The following LRP1B variants were observed in gnomAD, a reference collection of about 807,000 sequenced individuals.
LRP1B encodes the protein LDL receptor related protein 1B, also known as low-density lipoprotein receptor-related protein 1B.
LRP1B carries 217 observed loss-of-function variants against 556.6 expected under a neutral mutation model. That is an observed-to-expected ratio of 0.39 (90% CI 0.35 to 0.44). LRP1B has a LOEUF of 0.44. Ranked by LOEUF, LRP1B falls within the 20% of genes least tolerant of loss-of-function variation. The pLI, the probability that LRP1B is intolerant of heterozygous loss-of-function variation, is 1.00. For synonymous variants in LRP1B, 2,047 were observed against 1,865.8 expected (o/e 1.10, Z -2.50); for missense variants, 5,053 against 5,620.8 (o/e 0.90, Z 3.23).
chr2:141,444,119 T>G (rs1681090178), intron 3 of LRP1B, among the ~76,000 whole-genome samples: 1 of 152,222 alleles, frequency 6.6e-6, no homozygotes, highest in African/African-American at 2.4e-5. Context: ...AGCAGTGGTT[T>G]GTTTTTTCCT....
chr2:141,251,873 G>A (rs747605442), intron 4 of LRP1B, among the ~76,000 whole-genome samples: 58 of 151,982 alleles, frequency 3.8e-4, no homozygotes, highest in South Asian at 1.0e-3. Flanking sequence ...AATGGTCAAG[G>A]GCACTGTAGC....
rs766019655 is a variant in LRP1B, at chr2:140,884,000, A to G, written c.3986T>C (p.Val1329Ala). 1 of 1,612,600 alleles carries G rather than the reference A, an allele frequency of 6.2e-7. No individual in the cohort carries two copies. The highest frequency in any genetic ancestry group is 1.1e-5 in the South Asian group (1 of 91,012). ...TGGAGTAGCCAGGCCATGCTCCACA[A>G]CCACTTCAATGGCACTGACACCTAC... Reference protein sequence around the residue: ...ESGGVSAIEVVVEHGLATPEG... With the variant: ...ESGGVSAIEVAVEHGLATPEG... Residue 1329 changes from valine to alanine, a missense_variant, in exon 25 of 91, where the codon GTT becomes GCT. Physicochemically the swap from Val to Ala is moderately conservative, Grantham distance 64 (BLOSUM62 0). Around this residue, in one of 5 missense-constraint regions of LRP1B, gnomAD observed 3,619 missense variants for 3,931.9 expected, o/e 0.92. Coordinates refer to ENST00000389484, the MANE Select transcript of LRP1B (RefSeq NM_018557.3).
intron 23 of LRP1B, among the ~76,000 whole-genome samples, chr2:140,892,395 T>C (rs1693823960): frequency 1.3e-5 from 2 of 152,126 alleles, no homozygotes. Flanking sequence ...GTAATCTTAA[T>C]AGGAGAATGA....
chr2:141,994,905 G>A (rs915709557), intron 1 of LRP1B, among the ~76,000 whole-genome samples: 2 of 151,966 alleles, frequency 1.3e-5, no homozygotes, highest in South Asian at 2.1e-4. Context: ...CCTTTTTCAC[G>A]CTCCTACCTG....
intron 3 of LRP1B, among the ~76,000 whole-genome samples, chr2:141,420,271 T>A (rs1680089579): frequency 6.6e-6 from 1 of 152,230 alleles, no homozygotes; most frequent in Admixed American, 6.5e-5. Context: ...TCCTTATCTA[T>A]GAGACGGTGT....
intron 2 of LRP1B, among the ~76,000 whole-genome samples, chr2:141,649,872 C>A (rs373586781): frequency 3.3e-5 from 5 of 152,050 alleles, no homozygotes; most frequent in African/African-American, 9.7e-5. Context: ...ACTAGGTAAC[C>A]AATCTAAGCT....
At chr2:142,047,835 A>G (rs1704313357) in intron 1 of LRP1B, among the ~76,000 whole-genome samples, 1 of 152,018 alleles carries the variant, frequency 6.6e-6, no homozygotes, top group South Asian at 2.1e-4. Context: ...GAAAGGTAGA[A>G]CCAATAGAAG....
intron 77 of LRP1B, among the ~76,000 whole-genome samples, chr2:140,340,602 C>T (rs1050412700): frequency 2.0e-5 from 3 of 151,256 alleles, no homozygotes; most frequent in Non-Finnish European, 4.4e-5. Context: ...AGAAATAATT[C>T]AGGGTTACCT....
intron 18 of LRP1B, among the ~76,000 whole-genome samples, chr2:140,965,198 C>G (rs1372399994): frequency 6.6e-6 from 1 of 152,092 alleles, no homozygotes. Flanking sequence ...AAAGGTACAT[C>G]GAATTCTAAC....
intron 6 of LRP1B, among the ~76,000 whole-genome samples, chr2:141,207,664 T>TTTTTGC (rs1425187176): frequency 7.7e-5 from 10 of 129,184 alleles, no homozygotes; most frequent in African/African-American, 4.0e-4. Flanking sequence ...CATGTTTTTG[T>TTTTTGC]TTTTGTTTTT....
chr2:140,316,769 T>C (rs1558795463), intron 82 of LRP1B, among the ~76,000 whole-genome samples: 1 of 151,448 alleles, frequency 6.6e-6, no homozygotes, highest in Admixed American at 6.6e-5. Flanking sequence ...TGTAACACTT[T>C]GTAAATATTA....
At chr2:140,340,453 G>A (rs2105095092) in intron 77 of LRP1B, among the ~76,000 whole-genome samples, 2 of 151,592 alleles carry the variant, frequency 1.3e-5, no homozygotes, top group African/African-American at 4.8e-5. Context: ...GTTAGTGAGT[G>A]AATAATTTGT....
At chr2:142,128,735 CTATTTCATT>C (rs1349748377) in intron 1 of LRP1B, among the ~76,000 whole-genome samples, 1 of 152,136 alleles carries the variant, frequency 6.6e-6, no homozygotes, top group Non-Finnish European at 1.5e-5. Flanking sequence ...CAACACGACA[CTATTTCATT>C]TTTTAGAAAA....
At chr2:141,959,385 C>T (rs1344022735) in intron 1 of LRP1B, among the ~76,000 whole-genome samples, 2 of 151,894 alleles carry the variant, frequency 1.3e-5, no homozygotes, top group Non-Finnish European at 2.9e-5. Flanking sequence ...AAATAAAGAG[C>T]TTTGCTTCCA....
chr2:140,917,658 A>G (rs1242331800), intron 21 of LRP1B, among the ~76,000 whole-genome samples: 1 of 152,160 alleles, frequency 6.6e-6, no homozygotes, highest in African/African-American at 2.4e-5. Flanking sequence ...GAGACAGTAA[A>G]AAGATCAGTA....
intron 2 of LRP1B, among the ~76,000 whole-genome samples, chr2:141,720,925 T>C (rs1004891386): frequency 6.6e-6 from 1 of 152,172 alleles, no homozygotes; most frequent in African/African-American, 2.4e-5. Flanking sequence ...CTTAATACTT[T>C]AATTATTGCA....
In LRP1B at chr2:140,789,096, A is replaced by G. The variant is rs1157088989; in HGVS notation, c.5360-12858T>C. Reference sequence around the variant, plus strand: ...GGTATTCTGTTATGGGCCCTAGGAGACTAATATACTCCCCCATATCAACTT... The same window carrying G: ...GGTATTCTGTTATGGGCCCTAGGAGGCTAATATACTCCCCCATATCAACTT... On this transcript the variant is annotated intron_variant, in intron 32 of 90. Coordinates refer to ENST00000389484, the MANE Select transcript of LRP1B (RefSeq NM_018557.3). Among the ~76,000 whole-genome samples, 4 of 152,212 alleles carry G rather than the reference A, an allele frequency of 2.6e-5. No individual in the cohort carries two copies. The East Asian group carries it at 7.7e-4, about 29-fold the overall frequency.
chr2:141,145,918 CTTTCTT>C lies in LRP1B; in HGVS notation c.1013+42497_1013+42502del, dbSNP rs759645938. On this transcript the variant is annotated intron_variant, in intron 7 of 90. Coordinates refer to ENST00000389484, the MANE Select transcript of LRP1B (RefSeq NM_018557.3). ...TTTCACGTTTTTCTTTTCTTTCTTTCTTTCTTTTTTTTTTTTTTTTTTTTGAGATGG... is the reference window on the plus strand; with the variant it reads ...TTTCACGTTTTTCTTTTCTTTCTTTCTTTTTTTTTTTTTTTTTTGAGATGG... Among the ~76,000 whole-genome samples the C allele has an allele frequency of 1.2e-4, 13 of 110,192 alleles. No individual in the cohort carries two copies. In the South Asian group the frequency reaches 3.7e-3, roughly 31 times the overall value. 72.3% of individuals were successfully genotyped at this position (110,192 alleles called of 152,430 possible). A position where few individuals can be genotyped will look rare whatever the true frequency, so the allele number is the denominator to read the frequency against.
At chr2:140,409,949 G>A (rs1212600461) in intron 66 of LRP1B, among the ~76,000 whole-genome samples, 1 of 151,962 alleles carries the variant, frequency 6.6e-6, no homozygotes, top group Non-Finnish European at 1.5e-5. Flanking sequence ...GACTAAAATT[G>A]TATACATGTC....
Sources: gnomAD v4.1 joint callset for allele counts (sites outside exome capture counted in the v4.1 genomes callset) on GRCh38, gnomAD v4.1.1 for gene constraint, gnomAD v4.1.1 regional missense constraint, MANE v1.5 for transcripts, NCBI Gene and HGNC (gene_info 2026-07-23, HGNC 2026-07-21) for gene names.